IMMP1L: variants seen among roughly 807,000 people sequenced by gnomAD.
IMMP1L encodes the protein inner mitochondrial membrane peptidase subunit 1, also known as mitochondrial inner membrane protease subunit 1.
IMMP1L carries 24 observed loss-of-function variants against 21.8 expected under a neutral mutation model. The ratio of observed to expected loss-of-function variants is 1.10; its 90% confidence interval spans 0.80 to 1.55. The LOEUF is 1.55. Ranked by LOEUF, IMMP1L falls within the 40% of genes most tolerant of loss-of-function variation. IMMP1L has a pLI of 0.00. For missense variants in IMMP1L, 195 were observed against 200.7 expected, an observed-to-expected ratio of 0.97 and a Z score of 0.17; for synonymous variants, 46 against 62.8, an observed-to-expected ratio of 0.73 and a Z score of 1.26.
chr11:31,503,236 A>G (rs1415157528), intron 1 of IMMP1L, among the ~76,000 whole-genome samples: 9 of 152,226 alleles, frequency 5.9e-5, no homozygotes, highest in African/African-American at 1.9e-4. Context: ...TGATGAAAAC[A>G]TAAAATGCCA....
At chr11:31,462,377 T>G (rs956952380) in intron 2 of IMMP1L, among the ~76,000 whole-genome samples, 1 of 151,180 alleles carries the variant, frequency 6.6e-6, no homozygotes, top group Non-Finnish European at 1.5e-5. Flanking sequence ...TACTCCACCT[T>G]AACTGGAGGT....
intron 1 of IMMP1L, among the ~76,000 whole-genome samples, chr11:31,468,175 T>TG (rs1472643712): frequency 6.6e-5 from 10 of 152,062 alleles, no homozygotes; most frequent in Admixed American, 3.3e-4. Flanking sequence ...ATAAAAGACA[T>TG]GGGGACAACT....
intron 4 of IMMP1L, among the ~76,000 whole-genome samples, chr11:31,438,317 T>C (rs1257860007): frequency 6.6e-6 from 1 of 152,224 alleles, no homozygotes; most frequent in Non-Finnish European, 1.5e-5. Flanking sequence ...CATTTTTCCA[T>C]TATGCATACT....
chr11:31,469,609 C>G (rs1213754578), intron 1 of IMMP1L: 1 of 152,024 alleles, frequency 6.6e-6, no homozygotes, highest in Non-Finnish European at 1.5e-5. Flanking sequence ...AGAAACAGTA[C>G]TAATATAATC....
intron 1 of IMMP1L, among the ~76,000 whole-genome samples, chr11:31,485,881 T>C (rs1195494124): frequency 6.6e-6 from 1 of 151,796 alleles, no homozygotes; most frequent in Non-Finnish European, 1.5e-5. Context: ...AGAGCCATTA[T>C]AAAAAAACTT....
At chr11:31,446,112 A>G (rs1314858104) in intron 4 of IMMP1L, among the ~76,000 whole-genome samples, 1 of 152,130 alleles carries the variant, frequency 6.6e-6, no homozygotes, top group South Asian at 2.1e-4. Context: ...CATCTCCCCC[A>G]ACAACCCTAT....
At chr11:31,508,410 TTTA>T (rs1430381406) in intron 1 of IMMP1L, among the ~76,000 whole-genome samples, 3 of 152,224 alleles carry the variant, frequency 2.0e-5, no homozygotes, top group African/African-American at 7.2e-5. Flanking sequence ...TCAACAGCTA[TTTA>T]TTGAGTAACT....
intron 1 of IMMP1L, among the ~76,000 whole-genome samples, chr11:31,471,329 C>CT (rs1954543990): frequency 6.6e-6 from 1 of 152,138 alleles, no homozygotes; most frequent in Non-Finnish European, 1.5e-5. Context: ...ATCTTTCTCC[C>CT]TCTCCTTCCC....
At chr11:31,456,228 A>C (rs1422046129) in intron 4 of IMMP1L, 32 bp downstream of exon 4, 1 of 1,476,880 alleles carries the variant, frequency 6.8e-7, no homozygotes, top group Non-Finnish European at 9.3e-7. Flanking sequence ...CAATTATGAC[A>C]CCAAAAATAA....
chr11:31,456,692 T>C (rs1367763200), intron 3 of IMMP1L, among the ~76,000 whole-genome samples: 3 of 151,702 alleles, frequency 2.0e-5, no homozygotes, highest in Non-Finnish European at 2.9e-5. Flanking sequence ...TTTACTCCTG[T>C]GTCCAAATTC....
chr11:31,496,045 T>A (rs561648082), intron 1 of IMMP1L, among the ~76,000 whole-genome samples: 1 of 151,928 alleles, frequency 6.6e-6, no homozygotes, highest in African/African-American at 2.4e-5. Context: ...GAGAAAGTAT[T>A]TGCATATCAT....
chr11:31,461,154 T>A (rs371786065), intron 2 of IMMP1L, among the ~76,000 whole-genome samples: 1 of 152,184 alleles, frequency 6.6e-6, no homozygotes, highest in Non-Finnish European at 1.5e-5. Flanking sequence ...CCAGTGAACA[T>A]GATGATGATT....
intron 1 of IMMP1L, among the ~76,000 whole-genome samples, chr11:31,506,479 C>T (rs1592058008): frequency 6.6e-6 from 1 of 151,956 alleles, no homozygotes; most frequent in South Asian, 2.1e-4. Context: ...ATCTGCACGC[C>T]TCGTCCTCCC....
intron 4 of IMMP1L, among the ~76,000 whole-genome samples, chr11:31,445,628 G>A (rs1473043136): frequency 3.3e-5 from 5 of 151,940 alleles, no homozygotes; most frequent in Admixed American, 6.6e-5. Context: ...TTTACTCATC[G>A]AAACACAACT....
chr11:31,483,458 A>G (rs1379186845), intron 1 of IMMP1L, among the ~76,000 whole-genome samples: 1 of 152,014 alleles, frequency 6.6e-6, no homozygotes, highest in Non-Finnish European at 1.5e-5. Flanking sequence ...TGAATAACCA[A>G]ATTTTCAACT....
intron 1 of IMMP1L, among the ~76,000 whole-genome samples, chr11:31,502,557 C>A (rs1227203651): frequency 6.6e-6 from 1 of 152,192 alleles, no homozygotes; most frequent in Non-Finnish European, 1.5e-5. Flanking sequence ...GTGATTTTTT[C>A]ATATGAAATA....
At chr11:31,439,688 G>C (rs906388745) in intron 4 of IMMP1L, among the ~76,000 whole-genome samples, 4 of 152,186 alleles carry the variant, frequency 2.6e-5, no homozygotes, top group African/African-American at 9.7e-5. Context: ...TCTGGTTTCT[G>C]TGAGGTAGTT....
chr11:31,478,192 T>C (rs1221212816), intron 1 of IMMP1L, among the ~76,000 whole-genome samples: 2 of 152,212 alleles, frequency 1.3e-5, no homozygotes, highest in African/African-American at 2.4e-5. Context: ...TGGTTTTGTA[T>C]AGACAGCCTG....
chr11:31,497,563 G>C (rs1955491709), intron 1 of IMMP1L, among the ~76,000 whole-genome samples: 1 of 151,036 alleles, frequency 6.6e-6, no homozygotes, highest in Non-Finnish European at 1.5e-5. Context: ...CTGGGTTCAA[G>C]CAATTCTCCT....
Sources: allele counts gnomAD v4.1 joint callset (sites outside exome capture counted in the v4.1 genomes callset), GRCh38; gene constraint gnomAD v4.1.1; transcripts MANE v1.5; gene names NCBI Gene and HGNC (gene_info 2026-07-23, HGNC 2026-07-21).